Variants in OLFM3 observed in about 807,000 individuals in gnomAD.
OLFM3 encodes the protein noelin-3.
Under a neutral mutation model 48.6 loss-of-function variants are expected in OLFM3, and 20 were observed. The ratio of observed to expected loss-of-function variants is 0.41; its 90% CI spans 0.29 to 0.60. The LOEUF (loss-of-function observed/expected upper bound fraction) is 0.60. Among genes scored for constraint, OLFM3 ranks in the 20% least tolerant of loss-of-function variants. The probability of loss-of-function intolerance (pLI) is 0.28; values close to 1 mark genes in which losing one functional copy is unlikely to be tolerated. For missense variants in OLFM3, 437 were observed against 544.3 expected (o/e 0.80, Z 1.96); for synonymous variants, 222 against 198.1 (o/e 1.12, Z -1.01).
intron 1 of OLFM3, among the ~76,000 whole-genome samples, chr1:101,865,764 CAG>C (rs1238838280): frequency 1.3e-5 from 2 of 152,158 alleles, no homozygotes; most frequent in Admixed American, 6.5e-5. Context: ...CACACCGGCT[CAG>C]AGTTGGCAAA....
intron 1 of OLFM3, among the ~76,000 whole-genome samples, chr1:101,982,746 A>G (rs1022375660): frequency 6.6e-6 from 1 of 152,160 alleles, no homozygotes; most frequent in South Asian, 2.1e-4. Context: ...GAGCTGGAAC[A>G]TTGGCTCTTC....
Position 101,985,434 on chromosome 1 carries a change from T to C in OLFM3, c.69+11314A>G, listed in dbSNP as rs1049415974. On this transcript the variant is annotated intron_variant, in intron 1 of 5. Coordinates refer to ENST00000370103, the MANE Select transcript of OLFM3 (RefSeq NM_058170.4). ...AACCATAACACAGCAGCAGTAAATA[T>C]CATTAGAAGGTGTAACTCAATATAA... Among the ~76,000 whole-genome samples, 9 of 152,222 alleles carry C rather than the reference T, an allele frequency of 5.9e-5. No homozygotes were observed. The East Asian group carries it at 1.7e-3, about 29-fold the overall frequency.
chr1:101,967,739 G>A (rs1481347250), intron 1 of OLFM3, among the ~76,000 whole-genome samples: 5 of 152,104 alleles, frequency 3.3e-5, no homozygotes, highest in African/African-American at 4.8e-5. Context: ...ATACCATGGA[G>A]GTGCAGACCA....
intron 1 of OLFM3, among the ~76,000 whole-genome samples, chr1:101,852,711 CCAAA>C (rs112364360): frequency 9.4e-4 from 143 of 152,120 alleles, no homozygotes; most frequent in Middle Eastern, 3.4e-3. Flanking sequence ...CAAAAATACA[CCAAA>C]CAAATAAACA....
At chr1:101,836,773 CAA>C (rs1382991964) in intron 2 of OLFM3, 104 bp downstream of exon 2, 5 of 1,208,270 alleles carry the variant, frequency 4.1e-6, no homozygotes, top group Non-Finnish European at 4.7e-6. Context: ...AGAAGGGGGA[CAA>C]AAATCAAAAG....
At chr1:101,905,709 A>G (rs1658528297) in intron 1 of OLFM3, among the ~76,000 whole-genome samples, 1 of 152,158 alleles carries the variant, frequency 6.6e-6, no homozygotes, top group African/African-American at 2.4e-5. Flanking sequence ...GTGATTGGTC[A>G]TTAATGCCTG....
intron 1 of OLFM3, among the ~76,000 whole-genome samples, chr1:101,850,602 A>G (rs945926362): frequency 1.3e-5 from 2 of 152,128 alleles, no homozygotes; most frequent in Middle Eastern, 3.2e-3. Context: ...GAAGGTTTCT[A>G]GAAGACACAA....
At chr1:101,949,938 A>AAAAAAG (rs1660078279) in intron 1 of OLFM3, among the ~76,000 whole-genome samples, 1 of 149,600 alleles carries the variant, frequency 6.7e-6, no homozygotes, top group Non-Finnish European at 1.5e-5. Flanking sequence ...TCTGAAAAAA[A>AAAAAAG]AAAAAAAAAA....
chr1:101,850,978 A>G (rs1231524914), intron 1 of OLFM3, among the ~76,000 whole-genome samples: 1 of 152,156 alleles, frequency 6.6e-6, no homozygotes, highest in Non-Finnish European at 1.5e-5. Flanking sequence ...TCGAAAAATG[A>G]ACTGTATTGA....
At chr1:101,808,386 G>T (rs1450233645) in intron 4 of OLFM3, among the ~76,000 whole-genome samples, 1 of 151,512 alleles carries the variant, frequency 6.6e-6, no homozygotes, top group African/African-American at 2.4e-5. Context: ...GGAATAAGAT[G>T]CATTTGTGTC....
intron 1 of OLFM3, among the ~76,000 whole-genome samples, chr1:101,922,761 TTTCCC>T (rs1659138106): frequency 6.6e-6 from 1 of 152,212 alleles, no homozygotes; most frequent in Admixed American, 6.5e-5. Flanking sequence ...ACCAGAATAT[TTTCCC>T]TCAGAGGTAT....
rs532309052 is a variant in OLFM3 at position 101,859,064 on chromosome 1, C to T, written c.70-22039G>A. On this transcript the variant is annotated intron_variant, in intron 1 of 5. Transcript: ENST00000370103. ...AACTCATTTCTGAAGTGTGAAAGAT[C>T]CCATGTTATTTAGGAGATCTGAGTA... 3.4e-4 allele frequency among the ~76,000 whole-genome samples: 52 copies of T among 151,988 alleles called. 2 individuals carry two copies. The South Asian group carries it at 0.011, about 31-fold the overall frequency.
At chr1:101,947,772 T>C (rs1660004881) in intron 1 of OLFM3, among the ~76,000 whole-genome samples, 1 of 149,990 alleles carries the variant, frequency 6.7e-6, no homozygotes, top group Non-Finnish European at 1.5e-5. Flanking sequence ...AGGCATATGA[T>C]TTTCGGTGAG....
intron 1 of OLFM3, among the ~76,000 whole-genome samples, chr1:101,907,192 G>A (rs982736539): frequency 6.6e-6 from 1 of 152,068 alleles, no homozygotes; most frequent in African/African-American, 2.4e-5. Flanking sequence ...AACTTAATGA[G>A]ATATTTGGAT....
chr1:101,829,062 A>C (rs1042921571), intron 3 of OLFM3, among the ~76,000 whole-genome samples: 11 of 152,126 alleles, frequency 7.2e-5, no homozygotes, highest in Admixed American at 2.6e-4. Flanking sequence ...TCTATTCACC[A>C]TCAATTCACC....
chr1:101,903,777 C>T (rs1658466117), intron 1 of OLFM3, among the ~76,000 whole-genome samples: 1 of 151,930 alleles, frequency 6.6e-6, no homozygotes, highest in Non-Finnish European at 1.5e-5. Flanking sequence ...AATTTGGTAT[C>T]TGAAAAACTG....
At chr1:101,815,094 G>A (rs1654264977) in intron 4 of OLFM3, among the ~76,000 whole-genome samples, 1 of 152,024 alleles carries the variant, frequency 6.6e-6, no homozygotes, top group South Asian at 2.1e-4. Flanking sequence ...AGGGGGAGGG[G>A]AATGACAGAA....
Position 101,852,346 on chromosome 1 carries a change from T to C in OLFM3, c.70-15321A>G, listed in dbSNP as rs1656254598. On this transcript the variant is annotated intron_variant, in intron 1 of 5. Transcript: ENST00000370103. ...ACCAGTTACCCCTAGATTGCTAATC[T>C]AGCAGTCAATTCTCAGTCCCCAACT... 2.0e-5 allele frequency among the ~76,000 whole-genome samples: 3 copies of C among 152,230 alleles called. No individual in the cohort carries two copies. The South Asian group carries it at 6.2e-4, about 32-fold the overall frequency.
At chr1:101,955,565 A>C (rs553139425) in intron 1 of OLFM3, among the ~76,000 whole-genome samples, 1 of 151,856 alleles carries the variant, frequency 6.6e-6, no homozygotes, top group Non-Finnish European at 1.5e-5. Context: ...TCTTCGCCCC[A>C]TGATTTCTAA....
Sources: allele counts gnomAD v4.1 joint callset (sites outside exome capture counted in the v4.1 genomes callset), GRCh38; gene constraint gnomAD v4.1.1; transcripts MANE v1.5; gene names NCBI Gene and HGNC (gene_info 2026-07-23, HGNC 2026-07-21).